DMD: variants seen among roughly 807,000 people sequenced by gnomAD.
DMD encodes the protein mutant dystrophin.
A neutral mutation model predicts 330.1 loss-of-function variants in DMD; 63 were observed. The observed-to-expected ratio is 0.19, with a 90% CI of 0.16 to 0.24. The LOEUF is 0.24. Ranked by LOEUF, DMD falls within the 10% of genes least tolerant of loss-of-function variation. DMD has a pLI of 1.00. For synonymous variants in DMD, 1,223 were observed against 959.8 expected (o/e 1.27, Z -5.07); for missense variants, 3,344 against 2,684.1 (o/e 1.25, Z -5.43).
chrX:32,663,345 T>C (rs1251149474), intron 9 of DMD, among the ~76,000 whole-genome samples: 5 of 111,870 alleles, frequency 4.5e-5, no homozygotes, highest in Admixed American at 9.5e-5. Context: ...AAGATATCCA[T>C]AATCAATTGG....
intron 30 of DMD, among the ~76,000 whole-genome samples, chrX:32,410,349 T>A (rs1359053743): frequency 2.7e-5 from 3 of 111,647 alleles, no homozygotes; most frequent in Non-Finnish European, 5.6e-5. Flanking sequence ...TTCCCTGGAC[T>A]TTTTAAGCCT....
chrX:32,880,597 C>T (rs1187427277), intron 2 of DMD, among the ~76,000 whole-genome samples: 1 of 112,475 alleles, frequency 8.9e-6, no homozygotes, highest in Admixed American at 9.4e-5. Context: ...TATATGCCAT[C>T]TCTTAACTAC....
chrX:33,294,891 A>G (rs1311615560), intron 1 of DMD, among the ~76,000 whole-genome samples: 3 of 111,479 alleles, frequency 2.7e-5, no homozygotes, highest in African/African-American at 9.7e-5. Flanking sequence ...ATATTCTTGA[A>G]TTATTTAAAA....
intron 1 of DMD, among the ~76,000 whole-genome samples, chrX:33,059,843 C>A (rs1473346021): frequency 8.9e-6 from 1 of 111,753 alleles, no homozygotes; most frequent in Admixed American, 9.5e-5. Flanking sequence ...ATGTACCCTT[C>A]ATTTCATATT....
intron 47 of DMD, among the ~76,000 whole-genome samples, chrX:31,881,428 T>G (rs1202808120): frequency 9.2e-6 from 1 of 108,714 alleles, no homozygotes; most frequent in African/African-American, 3.3e-5. Context: ...AAATGTGTCC[T>G]CATAAATTTA....
At chrX:32,394,124 T>A (rs754618781) in intron 30 of DMD, among the ~76,000 whole-genome samples, 1 of 111,389 alleles carries the variant, frequency 9.0e-6, no homozygotes, top group South Asian at 3.7e-4. Context: ...TGATTTTTTT[T>A]AAATGTAAGA....
intron 44 of DMD, among the ~76,000 whole-genome samples, chrX:32,210,730 CT>C (rs1029931637): frequency 2.7e-5 from 3 of 111,488 alleles, no homozygotes; most frequent in Non-Finnish European, 5.7e-5. Context: ...TGTCAGTGAC[CT>C]ATGCACATCT....
chrX:32,211,787 T>C (rs1322007545), intron 44 of DMD, among the ~76,000 whole-genome samples: 1 of 112,044 alleles, frequency 8.9e-6, no homozygotes, highest in Non-Finnish European at 1.9e-5. Flanking sequence ...TTAATATGGT[T>C]CATTCAGCAG....
intron 41 of DMD, among the ~76,000 whole-genome samples, chrX:32,320,553 G>C (rs2148660426): frequency 9.0e-6 from 1 of 111,474 alleles, no homozygotes; most frequent in African/African-American, 3.2e-5. Context: ...CTATAGGACA[G>C]TGCTAATCTA....
At chrX:32,835,313 T>A in intron 4 of DMD, among the ~76,000 whole-genome samples, 1 of 112,041 alleles carries the variant, frequency 8.9e-6, no homozygotes, top group Admixed American at 9.5e-5. Context: ...CTTCAAAAAC[T>A]TGTAAATAAA....
At chrX:31,924,573 C>G (rs543556089) in intron 47 of DMD, among the ~76,000 whole-genome samples, 1 of 111,684 alleles carries the variant, frequency 9.0e-6, no homozygotes, top group Non-Finnish European at 1.9e-5. Flanking sequence ...TGTATTTTTA[C>G]TTTCATAATT....
intron 60 of DMD, among the ~76,000 whole-genome samples, chrX:31,414,075 GCAATATCTGCT>G (rs1360893566): frequency 9.0e-6 from 1 of 111,491 alleles, no homozygotes; most frequent in Non-Finnish European, 1.9e-5. Flanking sequence ...GTGCAGTGGT[GCAATATCTGCT>G]CACTGCAACC....
intron 7 of DMD, among the ~76,000 whole-genome samples, chrX:32,741,910 T>C (rs1192123106): frequency 8.9e-6 from 1 of 112,135 alleles, no homozygotes; most frequent in Non-Finnish European, 1.9e-5. Flanking sequence ...TTGATGTTTA[T>C]GTTACTATTA....
chrX:32,347,051 T>C (rs919786278), intron 38 of DMD, among the ~76,000 whole-genome samples: 5 of 111,722 alleles, frequency 4.5e-5, no homozygotes, highest in African/African-American at 1.3e-4. Flanking sequence ...TGTTATATAT[T>C]TAAATCTATA....
chrX:31,198,023 T>TAAA (rs61065027), intron 67 of DMD, among the ~76,000 whole-genome samples: 1,324 of 64,671 alleles, frequency 0.02, 67 homozygotes, highest in Admixed American at 0.098. Flanking sequence ...GTGTGGGAGC[T>TAAA]AAAAAAAAAA....
intron 19 of DMD, among the ~76,000 whole-genome samples, chrX:32,492,135 A>G (rs1325883975): frequency 8.9e-6 from 1 of 111,900 alleles, no homozygotes; most frequent in Non-Finnish European, 1.9e-5. Context: ...TCGGGAGATC[A>G]AGACCATCCT....
intron 21 of DMD, among the ~76,000 whole-genome samples, chrX:32,484,304 A>G (rs2042210552): frequency 8.9e-6 from 1 of 112,267 alleles, no homozygotes; most frequent in African/African-American, 3.2e-5. Context: ...ACATCATCTT[A>G]TTAAAGCAAT....
At chrX:32,915,567 C>G (rs1199456753) in intron 2 of DMD, among the ~76,000 whole-genome samples, 6 of 111,215 alleles carry the variant, frequency 5.4e-5, no homozygotes, top group African/African-American at 2.0e-4. Context: ...ATCACCCCCT[C>G]TCTCCTTAGT....
rs754417615 is a variant in DMD, at chrX:32,879,039, A to AC, written c.94-29220_94-29219insG. Reference sequence around the variant, plus strand: ...AAAACAAAAAACAAAAAACAAACAAAAAAAAAACAACTAATATTTGTATAT... The same window carrying AC: ...AAAACAAAAAACAAAAAACAAACAAACAAAAAAACAACTAATATTTGTATAT... On this transcript the variant is annotated intron_variant, in intron 2 of 78. Coordinates refer to ENST00000357033, the MANE Select transcript of DMD (RefSeq NM_004006.3). 7.4e-4 allele frequency among the ~76,000 whole-genome samples: 74 copies of AC among 99,755 alleles called. 1 individual carries two copies. The highest frequency in any genetic ancestry group is 2.3e-3 in the African/African-American group (65 of 27,947). 86.6% of individuals were successfully genotyped at this position (99,755 alleles called of 115,157 possible).
Sources: gnomAD v4.1 joint callset for allele counts (sites outside exome capture counted in the v4.1 genomes callset) on GRCh38, gnomAD v4.1.1 for gene constraint, MANE v1.5 for transcripts, NCBI Gene and HGNC (gene_info 2026-07-23, HGNC 2026-07-21) for gene names.